STPG2: variants seen among roughly 807,000 people sequenced by gnomAD.
STPG2 encodes sperm tail PG-rich repeat containing 2, also known as sperm-tail PG-rich repeat-containing protein 2.
STPG2 carries 56 observed loss-of-function variants against 54.2 expected under a neutral mutation model. That is an observed-to-expected ratio of 1.03 (90% CI 0.83 to 1.29). The LOEUF is 1.29. Among genes scored for constraint, STPG2 ranks in the 50% most tolerant of loss-of-function variants. The pLI is 0.00. For missense variants in STPG2, 596 were observed against 544.9 expected (o/e 1.09, Z -0.93); for synonymous variants, 200 against 181.8 (o/e 1.10, Z -0.81).
intron 4 of STPG2, among the ~76,000 whole-genome samples, chr4:97,518,626 A>G (rs1190113242): frequency 1.3e-5 from 2 of 152,140 alleles, no homozygotes; most frequent in Admixed American, 1.3e-4. Flanking sequence ...ATTAATGTAA[A>G]TTGGTAAATA....
In STPG2 at chr4:97,981,854, T is replaced by TAA. The variant is rs1553931242; in HGVS notation, c.613-538_613-537dup. Among the ~76,000 whole-genome samples, 78 of 147,560 alleles carry TAA rather than the reference T, an allele frequency of 5.3e-4. 1 individual carries two copies. In the East Asian group the frequency reaches 7.9e-3, roughly 15 times the overall value. On this transcript the variant is annotated intron_variant, in intron 5 of 10. Coordinates refer to ENST00000295268, the MANE Select transcript of STPG2 (RefSeq NM_174952.3). ...ATGTTTATATATATATATATATATA[T>TAA]AACTATAAATTCATGAGATATAGCA...
chr4:97,949,459 GTTAC>G (rs1417277745), intron 7 of STPG2, among the ~76,000 whole-genome samples: 8 of 152,026 alleles, frequency 5.3e-5, no homozygotes, highest in African/African-American at 1.2e-4. Context: ...CATGTGAATT[GTTAC>G]TTACTTTTTT....
intron 8 of STPG2, among the ~76,000 whole-genome samples, chr4:97,899,287 T>C (rs1307049875): frequency 6.6e-6 from 1 of 151,628 alleles, no homozygotes; most frequent in East Asian, 1.9e-4. Flanking sequence ...ATCTCTACAA[T>C]GAGAGTTACA....
chr4:97,675,240 T>A (rs925992039), intron 10 of STPG2, among the ~76,000 whole-genome samples: 1 of 152,098 alleles, frequency 6.6e-6, no homozygotes, highest in African/African-American at 2.4e-5. Flanking sequence ...TGACCTCAGG[T>A]GATCCACCCG....
chr4:98,040,468 T>G (rs1042745881), intron 5 of STPG2, among the ~76,000 whole-genome samples: 5 of 152,020 alleles, frequency 3.3e-5, no homozygotes, highest in African/African-American at 9.7e-5. Context: ...CATTTAAGTC[T>G]TGAATTCATC....
chr4:97,770,189 C>A (rs763064075), intron 9 of STPG2, among the ~76,000 whole-genome samples: 2 of 151,826 alleles, frequency 1.3e-5, no homozygotes, highest in Non-Finnish European at 2.9e-5. Flanking sequence ...CCAGCCTAGG[C>A]GACAGAGTGA....
intron 5 of STPG2, among the ~76,000 whole-genome samples, chr4:98,097,241 A>G (rs1738889082): frequency 4.6e-5 from 7 of 152,166 alleles, no homozygotes; most frequent in Admixed American, 4.6e-4. Flanking sequence ...AAATACTAGC[A>G]AACCATATTC....
At chr4:97,838,117 T>A (rs1728685228) in intron 9 of STPG2, among the ~76,000 whole-genome samples, 1 of 151,554 alleles carries the variant, frequency 6.6e-6, no homozygotes, top group Non-Finnish European at 1.5e-5. Context: ...TATATACATA[T>A]AACAATACTA....
chr4:97,616,036 CA>C (rs58107338), intron 10 of STPG2, among the ~76,000 whole-genome samples: 14 of 69,504 alleles, frequency 2.0e-4, no homozygotes, highest in East Asian at 8.3e-4. Flanking sequence ...GACTCTGTCT[CA>C]AAAAAAAAAA....
At chr4:97,951,139 C>A (rs1220363002) in intron 7 of STPG2, among the ~76,000 whole-genome samples, 1 of 152,164 alleles carries the variant, frequency 6.6e-6, no homozygotes, top group Non-Finnish European at 1.5e-5. Flanking sequence ...ATCTCTGACC[C>A]AACCAATCAA....
At chr4:97,806,925 T>C (rs1345090531) in intron 9 of STPG2, among the ~76,000 whole-genome samples, 1 of 152,100 alleles carries the variant, frequency 6.6e-6, no homozygotes, top group Admixed American at 6.6e-5. Context: ...CTGACTTCTT[T>C]CTCCTTTTCT....
At chr4:97,967,772 C>A (rs912444693) in intron 7 of STPG2, among the ~76,000 whole-genome samples, 2 of 152,082 alleles carry the variant, frequency 1.3e-5, no homozygotes, top group African/African-American at 2.4e-5. Context: ...GGGTACATAA[C>A]AAAATGAAGG....
intron 10 of STPG2, among the ~76,000 whole-genome samples, chr4:97,603,626 T>C (rs1578418252): frequency 1.3e-5 from 2 of 151,580 alleles, no homozygotes; most frequent in South Asian, 2.1e-4. Flanking sequence ...CACATATATA[T>C]ATCGTTATAT....
intron 5 of STPG2, among the ~76,000 whole-genome samples, chr4:98,021,423 A>G (rs1345309502): frequency 2.0e-5 from 3 of 150,914 alleles, no homozygotes; most frequent in African/African-American, 4.9e-5. Flanking sequence ...TTTGCTGAGG[A>G]GTGCTTTACT....
intron 9 of STPG2, among the ~76,000 whole-genome samples, chr4:97,721,131 T>C (rs748137785): frequency 1.3e-5 from 2 of 152,122 alleles, no homozygotes; most frequent in African/African-American, 2.4e-5. Flanking sequence ...CTCACTCATT[T>C]AGGCAAGCAC....
intron 8 of STPG2, among the ~76,000 whole-genome samples, chr4:97,841,708 G>T (rs1728807363): frequency 6.6e-6 from 1 of 151,694 alleles, no homozygotes; most frequent in Admixed American, 6.6e-5. Flanking sequence ...TGTGGACTCT[G>T]GCACTAGACT....
intron 8 of STPG2, among the ~76,000 whole-genome samples, chr4:97,889,760 T>C (rs1341564702): frequency 2.6e-5 from 4 of 152,128 alleles, no homozygotes; most frequent in Non-Finnish European, 4.4e-5. Context: ...AAAGATCTAT[T>C]GTATAACATG....
At chr4:97,919,200 C>G (rs769123213) in intron 8 of STPG2, among the ~76,000 whole-genome samples, 3 of 151,578 alleles carry the variant, frequency 2.0e-5, no homozygotes, top group Admixed American at 6.6e-5. Context: ...TAATGTAGCA[C>G]ATTAAGGAAA....
At chr4:97,888,813 C>T (rs1730670487) in intron 8 of STPG2, among the ~76,000 whole-genome samples, 1 of 152,086 alleles carries the variant, frequency 6.6e-6, no homozygotes, top group South Asian at 2.1e-4. Context: ...AATTGCAACC[C>T]CCAGTGTTGA....
Sources: allele counts gnomAD v4.1 joint callset (sites outside exome capture counted in the v4.1 genomes callset), GRCh38; gene constraint gnomAD v4.1.1; transcripts MANE v1.5; gene names NCBI Gene and HGNC (gene_info 2026-07-23, HGNC 2026-07-21).